ACTR3C: variants seen among roughly 807,000 people sequenced by gnomAD.
The protein encoded by ACTR3C is actin-related protein 3C.
ACTR3C carries 18 observed loss-of-function variants against 26.3 expected under a neutral mutation model. The observed-to-expected ratio is 0.68, with a 90% CI of 0.47 to 1.01. The LOEUF is 1.01. Among genes scored for constraint, ACTR3C ranks in the 50% least tolerant of loss-of-function variants. The pLI, the probability that ACTR3C is intolerant of heterozygous loss-of-function variation, is 0.00. For synonymous variants in ACTR3C, 55 were observed against 94.5 expected (o/e 0.58, Z 2.42); for missense variants, 184 against 250.7 (o/e 0.73, Z 1.80).
the ACTR3C span, among the ~76,000 whole-genome samples, chr7:150,045,537 C>T: frequency 6.6e-6 from 1 of 151,206 alleles, no homozygotes; most frequent in South Asian, 2.1e-4. Context: ...CAATACACGC[C>T]CACCCACACA....
chr7:150,062,392 A>G, the ACTR3C span: 1 of 100,328 alleles, frequency 1.0e-5, no homozygotes, highest in African/African-American at 4.3e-5. Flanking sequence ...ACTGCTGGAT[A>G]CCTCCCTGTA....
chr7:150,254,151 C>T (rs1190459627), intron 6 of ACTR3C, among the ~76,000 whole-genome samples: 5 of 152,074 alleles, frequency 3.3e-5, no homozygotes, highest in Admixed American at 3.3e-4. Context: ...GTGCTGAGTG[C>T]TAGAGAGAGA....
At chr7:150,226,735 G>A in the ACTR3C span, among the ~76,000 whole-genome samples, 3 of 152,076 alleles carry the variant, frequency 2.0e-5, no homozygotes, top group East Asian at 1.9e-4. Context: ...ACCAGGCCCC[G>A]CCTCATTGCC....
chr7:149,911,961 G>A, the ACTR3C span, among the ~76,000 whole-genome samples: 2 of 148,150 alleles, frequency 1.3e-5, no homozygotes, highest in African/African-American at 2.5e-5. Flanking sequence ...AGTGAACTAT[G>A]ACTGCACCAC....
chr7:149,978,979 C>T, the ACTR3C span, among the ~76,000 whole-genome samples: 2 of 151,964 alleles, frequency 1.3e-5, no homozygotes, highest in African/African-American at 4.8e-5. Context: ...CGGAAAATCC[C>T]TCTCTACATC....
intron 1 of ACTR3C, among the ~76,000 whole-genome samples, chr7:150,302,374 T>C (rs907950032): frequency 2.0e-5 from 3 of 152,090 alleles, no homozygotes; most frequent in Admixed American, 2.0e-4. Flanking sequence ...AATCAAACAC[T>C]GCTAGTTCTT....
the ACTR3C span, among the ~76,000 whole-genome samples, chr7:149,973,803 G>A: frequency 6.7e-5 from 10 of 149,674 alleles, no homozygotes; most frequent in African/African-American, 1.2e-4. Flanking sequence ...CTGATTTTTC[G>A]GACAGAAAAA....
chr7:150,198,133 G>C, the ACTR3C span, among the ~76,000 whole-genome samples: 1 of 151,154 alleles, frequency 6.6e-6, no homozygotes, highest in African/African-American at 2.5e-5. Context: ...GACGGAGTCT[G>C]GTTCACTCAG....
chr7:150,033,896 C>T, the ACTR3C span, among the ~76,000 whole-genome samples: 2 of 151,102 alleles, frequency 1.3e-5, no homozygotes, highest in African/African-American at 2.4e-5. Flanking sequence ...GAGGGGCTCG[C>T]TCTCAGTCCC....
chr7:150,201,152 C>T, the ACTR3C span, among the ~76,000 whole-genome samples: 1 of 152,188 alleles, frequency 6.6e-6, no homozygotes, highest in Non-Finnish European at 1.5e-5. Context: ...CCTTCTATTT[C>T]AGATATTGAA....
the ACTR3C span, among the ~76,000 whole-genome samples, chr7:150,152,400 T>C: frequency 2.6e-5 from 4 of 152,298 alleles, no homozygotes; most frequent in African/African-American, 4.8e-5. Flanking sequence ...GAGATAATCA[T>C]GTGGTTTTTG....
chr7:149,947,991 CCACAT>C, the ACTR3C span, among the ~76,000 whole-genome samples: 4 of 151,312 alleles, frequency 2.6e-5, no homozygotes, highest in Non-Finnish European at 4.4e-5. Context: ...TGGTGCAAAC[CCACAT>C]CACTTGTATC....
chr7:150,066,966 G>A, the ACTR3C span, among the ~76,000 whole-genome samples: 1 of 152,196 alleles, frequency 6.6e-6, no homozygotes, highest in Non-Finnish European at 1.5e-5. Context: ...ATTGTGAAGG[G>A]TCCTCTTCTT....
intron 1 of ACTR3C, among the ~76,000 whole-genome samples, chr7:150,301,395 A>T (rs2129614291): frequency 6.6e-6 from 1 of 152,290 alleles, no homozygotes; most frequent in African/African-American, 2.4e-5. Flanking sequence ...AATCAGATTA[A>T]CCCTGGCTCC....
chr7:149,923,627 A>G, the ACTR3C span, among the ~76,000 whole-genome samples: 1 of 152,214 alleles, frequency 6.6e-6, no homozygotes, highest in Non-Finnish European at 1.5e-5. Context: ...AAATGCAAGG[A>G]GACCTTAATA....
the ACTR3C span, among the ~76,000 whole-genome samples, chr7:150,215,873 T>C: frequency 1.3e-5 from 2 of 152,226 alleles, no homozygotes; most frequent in African/African-American, 2.4e-5. Flanking sequence ...AAATGCTATA[T>C]GCATTTGTAG....
the ACTR3C span, among the ~76,000 whole-genome samples, chr7:150,041,711 G>A: frequency 1.5e-5 from 2 of 136,860 alleles, no homozygotes; most frequent in East Asian, 2.1e-4. Context: ...ACCCTCGCGG[G>A]GGGTGCCTCC....
chr7:150,121,914 A>T, the ACTR3C span, among the ~76,000 whole-genome samples: 1 of 152,176 alleles, frequency 6.6e-6, no homozygotes, highest in Non-Finnish European at 1.5e-5. Flanking sequence ...GAGGCCTCAG[A>T]AGTAACACTG....
chr7:150,128,362 A>G, the ACTR3C span, among the ~76,000 whole-genome samples: 7 of 152,206 alleles, frequency 4.6e-5, no homozygotes, highest in Non-Finnish European at 7.3e-5. Context: ...GTGACCTCAC[A>G]TAAGACAGGT....
Sources: gnomAD v4.1 joint callset for allele counts (sites outside exome capture counted in the v4.1 genomes callset) on GRCh38, gnomAD v4.1.1 for gene constraint, MANE v1.5 for transcripts, NCBI Gene and HGNC (gene_info 2026-07-23, HGNC 2026-07-21) for gene names.